MRTFA: variants seen among roughly 807,000 people sequenced by gnomAD.
MRTFA encodes the protein myocardin-related transcription factor A.
A neutral mutation model predicts 83.5 loss-of-function variants in MRTFA; 20 were observed. The observed-to-expected ratio is 0.24, with a 90% CI of 0.17 to 0.35. MRTFA has a LOEUF of 0.35. Ranked by LOEUF, MRTFA falls within the 10% of genes least tolerant of loss-of-function variation. MRTFA has a pLI of 1.00. For missense variants in MRTFA, 1,200 were observed against 1,224.7 expected (o/e 0.98, Z 0.30); for synonymous variants, 659 against 541.2 (o/e 1.22, Z -3.02).
At chr22:40,513,939 GTAA>G (rs911847829) in intron 3 of MRTFA, among the ~76,000 whole-genome samples, 7 of 151,324 alleles carry the variant, frequency 4.6e-5, no homozygotes, top group African/African-American at 1.5e-4. Context: ...TCTAGTTAAA[GTAA>G]TAATTTTTTT....
chr22:40,525,006 C>T (rs546976686), intron 3 of MRTFA, among the ~76,000 whole-genome samples: 2 of 152,130 alleles, frequency 1.3e-5, no homozygotes, highest in South Asian at 2.1e-4. Flanking sequence ...GATGGGGTTT[C>T]GCCATACTGG....
intron 14 of MRTFA, among the ~76,000 whole-genome samples, chr22:40,413,451 T>C (rs998446436): frequency 6.6e-6 from 1 of 151,856 alleles, no homozygotes; most frequent in Non-Finnish European, 1.5e-5. Context: ...GCAATTCTCC[T>C]GCCTCACCCT....
intron 3 of MRTFA, among the ~76,000 whole-genome samples, chr22:40,544,019 C>A (rs148635733): frequency 6.6e-6 from 1 of 152,170 alleles, no homozygotes; most frequent in East Asian, 1.9e-4. Context: ...CAGAAACATA[C>A]CCACATAGCT....
At chr22:40,429,583 C>G in intron 7 of MRTFA, 23 bp downstream of exon 7, 1 of 1,614,108 alleles carries the variant, frequency 6.2e-7, no homozygotes, top group Non-Finnish European at 8.5e-7. Context: ...GCCTCTCACA[C>G]AGGGTGGCTG....
rs1047902457 is a variant in MRTFA, at chr22:40,471,234, A to C, written c.242-7948T>G. On this transcript the variant is annotated intron_variant, in intron 3 of 14. Coordinates refer to ENST00000355630, the MANE Select transcript of MRTFA (RefSeq NM_020831.6). ...CTGTTTCTATTAAAAAAAAAAAAAA[A>C]AAAAAAAAAAAAACAAGAATTAGCC... is the stretch of plus-strand genomic sequence containing the variant. Among the ~76,000 whole-genome samples, 32 of 145,730 alleles carry C rather than the reference A, an allele frequency of 2.2e-4. 2 individuals are homozygous for C. In the South Asian group the frequency reaches 3.5e-3, roughly 16 times the overall value.
chr22:40,414,067 G>A (rs549968707), intron 14 of MRTFA, among the ~76,000 whole-genome samples: 6 of 152,320 alleles, frequency 3.9e-5, no homozygotes, highest in South Asian at 2.1e-4. Flanking sequence ...GGCGGGGTGC[G>A]TTGGCTCATG....
chr22:40,581,654 C>G (rs2055948963), intron 2 of MRTFA, among the ~76,000 whole-genome samples: 1 of 152,070 alleles, frequency 6.6e-6, no homozygotes, highest in Non-Finnish European at 1.5e-5. Flanking sequence ...ATATATACAA[C>G]TTATTCCTTT....
intron 5 of MRTFA, among the ~76,000 whole-genome samples, chr22:40,434,654 G>T (rs932290891): frequency 5.3e-5 from 8 of 152,166 alleles, no homozygotes; most frequent in African/African-American, 1.9e-4. Flanking sequence ...TCTGGTAGGC[G>T]GAGGCTGCGG....
intron 4 of MRTFA, among the ~76,000 whole-genome samples, chr22:40,443,948 C>T (rs1165562351): frequency 2.6e-5 from 4 of 152,194 alleles, no homozygotes; most frequent in African/African-American, 9.7e-5. Context: ...TGCACCCCCA[C>T]CATGGTGTGC....
intron 1 of MRTFA, among the ~76,000 whole-genome samples, chr22:40,596,050 C>T (rs2056188208): frequency 6.6e-6 from 1 of 151,554 alleles, no homozygotes; most frequent in Non-Finnish European, 1.5e-5. Context: ...GCTCTCTGGC[C>T]ACTAATGTCC....
At position 40,418,548 on chromosome 22, in the gene MRTFA, A is replaced by T. The variant is rs773945665; in HGVS notation, c.2190T>A (p.Pro730=). ...GGGGGGCGGGGACCGGCTCGGGCTC[A>T]GGCTGCAAGGCTTCCTGCTTCACCA... is the stretch of plus-strand genomic sequence containing the variant. Residue 730 remains proline (P), a synonymous_variant, in exon 12 of 15, where the codon CCT becomes CCA. Coordinates refer to ENST00000355630, the MANE Select transcript of MRTFA (RefSeq NM_020831.6). The T allele has an allele frequency of 1.3e-6, 2 of 1,575,224 alleles. No homozygotes were observed. The highest frequency in any genetic ancestry group is 2.4e-5 in the South Asian group (2 of 84,948).
intron 3 of MRTFA, among the ~76,000 whole-genome samples, chr22:40,464,035 A>T (rs148824990): frequency 3.3e-5 from 5 of 152,260 alleles, no homozygotes; most frequent in Non-Finnish European, 7.4e-5. Flanking sequence ...ACAGTGGCTC[A>T]TGCCTACATG....
At chr22:40,599,306 C>A (rs1602480333) in intron 1 of MRTFA, among the ~76,000 whole-genome samples, 3 of 151,754 alleles carry the variant, frequency 2.0e-5, no homozygotes, top group African/African-American at 7.2e-5. Context: ...CTCAAACAAA[C>A]AAAAAAAACT....
At chr22:40,636,228 G>A (rs1435308158) in intron 1 of MRTFA, among the ~76,000 whole-genome samples, 2 of 152,182 alleles carry the variant, frequency 1.3e-5, no homozygotes, top group Non-Finnish European at 2.9e-5. Context: ...GCCAGGCAGT[G>A]CACAGGTGCA....
chr22:40,436,558 AAAC>A (rs2053173833), intron 4 of MRTFA, among the ~76,000 whole-genome samples: 2 of 152,318 alleles, frequency 1.3e-5, no homozygotes, highest in South Asian at 4.2e-4. Context: ...CGACTTCTGC[AAAC>A]AACACTCAGG....
At chr22:40,505,336 C>T (rs2054563251) in intron 3 of MRTFA, among the ~76,000 whole-genome samples, 2 of 152,206 alleles carry the variant, frequency 1.3e-5, no homozygotes, top group African/African-American at 2.4e-5. Flanking sequence ...CAAGAGACTA[C>T]ATGGCTTAAT....
intron 6 of MRTFA, among the ~76,000 whole-genome samples, chr22:40,430,486 C>CAA (rs879586485): frequency 6.9e-6 from 1 of 145,184 alleles, no homozygotes. Flanking sequence ...GACTCCATCT[C>CAA]AAAAAAAAAA....
intron 3 of MRTFA, among the ~76,000 whole-genome samples, chr22:40,530,734 T>C (rs920851726): frequency 2.0e-5 from 3 of 152,268 alleles, no homozygotes; most frequent in African/African-American, 7.2e-5. Flanking sequence ...AGACATGACA[T>C]ACTGCACATT....
At position 40,427,028 on chromosome 22, in the gene MRTFA, A is replaced by G. The variant is rs143103229; in HGVS notation, c.601+2578T>C. Among the ~76,000 whole-genome samples the G allele has an allele frequency of 4.1e-3, 622 of 152,354 alleles. 21 individuals carry two copies. The highest frequency in any genetic ancestry group is 0.037 in the Admixed American group (572 of 15,304). On this transcript the variant is annotated intron_variant, in intron 7 of 14. Coordinates refer to ENST00000355630, the MANE Select transcript of MRTFA (RefSeq NM_020831.6). The stretch of plus-strand genomic sequence containing the variant: ...CTCAGAAATCAGTTGTTTATACATT[A>G]GTCTTCTCACATCAGACCTACGTGA...
Sources: gnomAD v4.1 joint callset for allele counts (sites outside exome capture counted in the v4.1 genomes callset) on GRCh38, gnomAD v4.1.1 for gene constraint, MANE v1.5 for transcripts, NCBI Gene and HGNC (gene_info 2026-07-23, HGNC 2026-07-21) for gene names.